Variants in CCDC178 observed in about 807,000 individuals in gnomAD.
The protein encoded by CCDC178 is coiled-coil domain containing 178, also known as coiled-coil domain-containing protein 178.
Under a neutral mutation model 117.4 loss-of-function variants are expected in CCDC178, and 126 were observed. That is an observed-to-expected ratio of 1.07 (90% CI 0.93 to 1.24). The LOEUF is 1.24. CCDC178 is among the 50% of genes most tolerant of loss of function. The pLI, the probability that CCDC178 is intolerant of heterozygous loss-of-function variation, is 0.00. For missense variants in CCDC178, 1,030 were observed against 986.9 expected, an observed-to-expected ratio of 1.04 and a Z score of -0.59; for synonymous variants, 283 against 313.4, an observed-to-expected ratio of 0.90 and a Z score of 1.02.
chr18:33,362,099 T>C (rs1456807854), intron 6 of CCDC178, among the ~76,000 whole-genome samples: 1 of 151,500 alleles, frequency 6.6e-6, no homozygotes, highest in African/African-American at 2.4e-5. Flanking sequence ...AGGAGTGTGT[T>C]TGTGTCTCTG....
chr18:33,252,664 C>T (rs527895562), intron 14 of CCDC178, among the ~76,000 whole-genome samples: 87 of 151,822 alleles, frequency 5.7e-4, no homozygotes, highest in Middle Eastern at 3.4e-3. Context: ...TATTTAACAA[C>T]TTCAGTAATA....
At chr18:33,299,184 G>C (rs1027037645) in intron 11 of CCDC178, among the ~76,000 whole-genome samples, 1 of 152,042 alleles carries the variant, frequency 6.6e-6, no homozygotes, top group Non-Finnish European at 1.5e-5. Flanking sequence ...AACAAAGCTG[G>C]AGGTACCACA....
chr18:33,254,475 G>C (rs1568091630), intron 14 of CCDC178, among the ~76,000 whole-genome samples: 1 of 152,020 alleles, frequency 6.6e-6, no homozygotes, highest in East Asian at 1.9e-4. Context: ...GCTGTGCTAG[G>C]TGACTGAGAT....
intron 21 of CCDC178, among the ~76,000 whole-genome samples, chr18:33,008,556 A>T (rs910156355): frequency 6.6e-6 from 1 of 152,032 alleles, no homozygotes; most frequent in Non-Finnish European, 1.5e-5. Context: ...AATATTTTGG[A>T]AAGTAAATCT....
intron 7 of CCDC178, among the ~76,000 whole-genome samples, chr18:33,351,853 T>C (rs1413657514): frequency 6.6e-6 from 1 of 152,212 alleles, no homozygotes; most frequent in Non-Finnish European, 1.5e-5. Context: ...GTGCCCGGCC[T>C]GTCATGTATA....
At chr18:33,047,985 T>C (rs919342228) in intron 21 of CCDC178, among the ~76,000 whole-genome samples, 1 of 152,208 alleles carries the variant, frequency 6.6e-6, no homozygotes, top group Non-Finnish European at 1.5e-5. Flanking sequence ...GTTGAAGTCC[T>C]AACCCCCAGT....
chr18:33,356,406 A>T, intron 6 of CCDC178, 60 bp from the exon 7 acceptor site: 1 of 1,370,664 alleles, frequency 7.3e-7, no homozygotes, highest in African/African-American at 1.5e-5. Context: ...AAACTGAATA[A>T]ATGTCACTTA....
At chr18:33,118,944 G>T (rs1237139797) in intron 20 of CCDC178, among the ~76,000 whole-genome samples, 3 of 152,020 alleles carry the variant, frequency 2.0e-5, no homozygotes, top group African/African-American at 4.8e-5. Context: ...GGGAAAGGAT[G>T]CCCTATTTAA....
chr18:33,162,363 G>T (rs2144387096), intron 20 of CCDC178, among the ~76,000 whole-genome samples: 1 of 152,272 alleles, frequency 6.6e-6, no homozygotes, highest in African/African-American at 2.4e-5. Flanking sequence ...AAGTTCATTT[G>T]TAATAACTAT....
intron 11 of CCDC178, among the ~76,000 whole-genome samples, chr18:33,310,143 T>C (rs2062318915): frequency 2.0e-5 from 3 of 151,932 alleles, no homozygotes; most frequent in Non-Finnish European, 4.4e-5. Flanking sequence ...TGTATTTTAC[T>C]AGAGATGGGG....
At chr18:32,989,000 C>T (rs1442316305) in intron 21 of CCDC178, among the ~76,000 whole-genome samples, 1 of 152,054 alleles carries the variant, frequency 6.6e-6, no homozygotes, top group East Asian at 1.9e-4. Flanking sequence ...AAACACTTGG[C>T]TCTGAAAGTT....
At chr18:32,945,876 G>A (rs1044273705) in intron 22 of CCDC178, among the ~76,000 whole-genome samples, 1 of 152,074 alleles carries the variant, frequency 6.6e-6, no homozygotes, top group Admixed American at 6.6e-5. Context: ...CCAGGTATTA[G>A]TTTAATTGGG....
intron 22 of CCDC178, among the ~76,000 whole-genome samples, chr18:32,969,981 A>T (rs1012724096): frequency 1.8e-4 from 28 of 152,042 alleles, no homozygotes; most frequent in African/African-American, 6.8e-4. Flanking sequence ...TGAAGTTAGG[A>T]CCTCATATAA....
At position 33,293,287 on chromosome 18, in the gene CCDC178, G is replaced by T; in HGVS notation, c.1048C>A (p.Leu350Ile). The T allele has an allele frequency of 6.6e-7, 1 of 1,526,262 alleles. No homozygotes were observed. The highest frequency in any genetic ancestry group is 9.0e-7 in the Non-Finnish European group (1 of 1,107,702). The allele number at this position is 1,526,262 out of a possible 1,614,324, so 94.5% of individuals were successfully genotyped here. A position where few individuals can be genotyped will look rare whatever the true frequency, so the allele number is the denominator to read the frequency against. ...ACTGATGAAGAGTAATGATCAAATA[G>T]ACTGTTAAGTTGATATATCTCTCTC... ...YKREIYQLNS[L>I]FDHYSSSVIN... The change falls in exon 12 of 23, where the codon CTA (leucine) becomes ATA (isoleucine). Residue 350 changes from leucine to isoleucine, a missense_variant. Coordinates refer to ENST00000383096, the MANE Select transcript of CCDC178 (RefSeq NM_001105528.4).
intron 11 of CCDC178, among the ~76,000 whole-genome samples, chr18:33,311,710 C>G (rs546277363): frequency 6.6e-6 from 1 of 152,164 alleles, no homozygotes; most frequent in Non-Finnish European, 1.5e-5. Context: ...GAAAGATGGT[C>G]CAAGTAGGAA....
At chr18:32,949,093 C>G (rs543935950) in intron 22 of CCDC178, among the ~76,000 whole-genome samples, 1 of 152,076 alleles carries the variant, frequency 6.6e-6, no homozygotes, top group African/African-American at 2.4e-5. Flanking sequence ...TGCATTGTTA[C>G]TTATGAGAAA....
intron 22 of CCDC178, among the ~76,000 whole-genome samples, chr18:32,971,159 G>C (rs955253751): frequency 9.2e-5 from 14 of 151,888 alleles, no homozygotes; most frequent in African/African-American, 3.1e-4. Flanking sequence ...TTGTCCTAAT[G>C]TTCTCCCTCC....
chr18:33,205,233 T>C (rs2059034076), intron 20 of CCDC178, among the ~76,000 whole-genome samples: 1 of 151,908 alleles, frequency 6.6e-6, no homozygotes, highest in Admixed American at 6.6e-5. Context: ...AAAACTATCA[T>C]ACAAATGAAT....
At chr18:32,941,558 G>A (rs1262624877) in intron 22 of CCDC178, among the ~76,000 whole-genome samples, 1 of 152,068 alleles carries the variant, frequency 6.6e-6, no homozygotes, top group Admixed American at 6.6e-5. Flanking sequence ...AATCACTGAG[G>A]TCACTTTTTA....
Sources: allele counts gnomAD v4.1 joint callset (sites outside exome capture counted in the v4.1 genomes callset), GRCh38; gene constraint gnomAD v4.1.1; transcripts MANE v1.5; gene names NCBI Gene and HGNC (gene_info 2026-07-23, HGNC 2026-07-21).